Variants in ZSCAN5A observed in about 807,000 individuals in gnomAD.
The protein encoded by ZSCAN5A is zinc finger and SCAN domain-containing protein 5A.
ZSCAN5A carries 12 observed loss-of-function variants against 23.7 expected under a neutral mutation model. That is an observed-to-expected ratio of 0.51 (90% confidence interval 0.32 to 0.82). The LOEUF is 0.82. Ranked by LOEUF, ZSCAN5A falls within the 40% of genes least tolerant of loss-of-function variation. The pLI is 0.03. For synonymous variants in ZSCAN5A, 257 were observed against 239.9 expected (o/e 1.07, Z -0.66); for missense variants, 597 against 617.9 (o/e 0.97, Z 0.36).
At chr19:56,364,816 T>G (rs1363926967) in intron 1 of ZSCAN5A, 1 of 152,190 alleles carries the variant, frequency 6.6e-6, no homozygotes, top group Admixed American at 6.5e-5. Flanking sequence ...AAAGAATACA[T>G]ATTGTATACT....
At chr19:56,230,407 G>C (rs1048923421) in intron 2 of ZSCAN5A, among the ~76,000 whole-genome samples, 2 of 152,178 alleles carry the variant, frequency 1.3e-5, no homozygotes, top group African/African-American at 2.4e-5. Context: ...ATTAACAAAG[G>C]TCACCAGGGT....
chr19:56,365,535 G>A (rs1014238447), intron 1 of ZSCAN5A, among the ~76,000 whole-genome samples: 1 of 152,172 alleles, frequency 6.6e-6, no homozygotes, highest in Non-Finnish European at 1.5e-5. Context: ...ACATTACTGA[G>A]ACTTCCAGTT....
At chr19:56,237,994 T>TGA (rs369289497) in intron 2 of ZSCAN5A, among the ~76,000 whole-genome samples, 2 of 41,346 alleles carry the variant, frequency 4.8e-5, no homozygotes, top group African/African-American at 1.0e-4. Flanking sequence ...CATACACACA[T>TGA]ACGCACACAT....
At chr19:56,251,340 A>C (rs1029464569) in intron 2 of ZSCAN5A, among the ~76,000 whole-genome samples, 1 of 152,102 alleles carries the variant, frequency 6.6e-6, no homozygotes, top group African/African-American at 2.4e-5. Context: ...AAGATACACT[A>C]GTTTTGGACT....
intron 2 of ZSCAN5A, among the ~76,000 whole-genome samples, chr19:56,255,504 G>A (rs1281018383): frequency 2.0e-5 from 3 of 152,072 alleles, no homozygotes; most frequent in Admixed American, 6.6e-5. Context: ...GTAGCCCAGT[G>A]CAACTCTCCA....
chr19:56,309,085 G>C (rs1018982348), intron 2 of ZSCAN5A, among the ~76,000 whole-genome samples: 2 of 152,190 alleles, frequency 1.3e-5, no homozygotes, highest in Admixed American at 6.5e-5. Flanking sequence ...ACAAAACGTA[G>C]TGCATTCATA....
intron 2 of ZSCAN5A, chr19:56,244,507 C>G: frequency 6.9e-7 from 1 of 1,439,988 alleles, no homozygotes; most frequent in South Asian, 1.4e-5. Context: ...CGAGAGGACC[C>G]GAGGGGCTGC....
intron 2 of ZSCAN5A, among the ~76,000 whole-genome samples, chr19:56,285,340 C>G (rs1021633321): frequency 6.6e-6 from 1 of 152,222 alleles, no homozygotes; most frequent in Non-Finnish European, 1.5e-5. Flanking sequence ...CGGCTCTGCT[C>G]TCTAGAAGCA....
At chr19:56,273,697 CAGA>C (rs1331666947) in intron 2 of ZSCAN5A, among the ~76,000 whole-genome samples, 2 of 151,870 alleles carry the variant, frequency 1.3e-5, no homozygotes, top group Non-Finnish European at 1.5e-5. Context: ...ACGTGGTAGG[CAGA>C]AGGAGGGGCA....
At chr19:56,316,918 C>T (rs2041323279), upstream of ZSCAN5A, 1 of 152,244 alleles carries the variant, frequency 6.6e-6, no homozygotes, top group Non-Finnish European at 1.5e-5. Flanking sequence ...CTCACTGTAG[C>T]CTTGACCTCC....
At chr19:56,255,718 G>A (rs1217826595) in intron 2 of ZSCAN5A, among the ~76,000 whole-genome samples, 1 of 151,926 alleles carries the variant, frequency 6.6e-6, no homozygotes, top group East Asian at 1.9e-4. Flanking sequence ...AAAACATGGT[G>A]TCGTCTATTC....
Position 56,221,692 on chromosome 19 carries a change from G to A in ZSCAN5A, c.1374C>T (p.His458=). The change falls in exon 6 of 6, where the codon CAC becomes CAT. Residue 458 remains histidine (H), a synonymous_variant. Transcript: ENST00000683990. ...VFTYRGSLKE[H]QRIHSGEKPY... ...GTTTCTCTCCGGAGTGGATGCGCTGGTGCTCCTTCAGGCTCCCCCTGTAGG... is the reference window on the plus strand; with the variant it reads ...GTTTCTCTCCGGAGTGGATGCGCTGATGCTCCTTCAGGCTCCCCCTGTAGG... 1 of 1,614,184 alleles carries A rather than the reference G, an allele frequency of 6.2e-7. No individual in the cohort carries two copies. Among genetic ancestry groups the A allele is most frequent in the Non-Finnish European group, 8.5e-7 (1 of 1,180,042 alleles).
intron 2 of ZSCAN5A, chr19:56,301,887 A>G: frequency 4.9e-6 from 6 of 1,230,572 alleles, no homozygotes; most frequent in Non-Finnish European, 5.1e-6. Flanking sequence ...GGAGATCAGA[A>G]TGGAGAGACA....
At chr19:56,298,521 C>T (rs374251134) in intron 2 of ZSCAN5A, among the ~76,000 whole-genome samples, 13 of 151,232 alleles carry the variant, frequency 8.6e-5, no homozygotes, top group East Asian at 7.9e-4. Context: ...GGCGTGGTGG[C>T]GGGTGCCTGT....
At chr19:56,285,936 G>T (rs900399181) in intron 2 of ZSCAN5A, among the ~76,000 whole-genome samples, 1 of 152,200 alleles carries the variant, frequency 6.6e-6, no homozygotes, top group African/African-American at 2.4e-5. Context: ...AATCTGGACA[G>T]ATGTTTAACA....
At chr19:56,327,795 G>A (rs1041307225) in intron 2 of ZSCAN5A, among the ~76,000 whole-genome samples, 2 of 151,572 alleles carry the variant, frequency 1.3e-5, no homozygotes, top group South Asian at 2.1e-4. Context: ...ATACACATGC[G>A]ATACATATGC....
chr19:56,248,718 C>T (rs1044007347), intron 2 of ZSCAN5A, among the ~76,000 whole-genome samples: 8 of 152,078 alleles, frequency 5.3e-5, no homozygotes, highest in Admixed American at 3.9e-4. Flanking sequence ...TACGTGTGAG[C>T]CACCACGCCT....
chr19:56,336,717 A>G (rs900716929), intron 2 of ZSCAN5A, among the ~76,000 whole-genome samples: 1 of 152,074 alleles, frequency 6.6e-6, no homozygotes, highest in African/African-American at 2.4e-5. Flanking sequence ...TTGTGGTTTT[A>G]TCTACCTTTG....
intron 2 of ZSCAN5A, 44 bp from the exon 3 acceptor site, chr19:56,225,217 C>A (rs1013158107): frequency 2.1e-6 from 3 of 1,404,420 alleles, no homozygotes; most frequent in African/African-American, 2.9e-5. Flanking sequence ...AGTTACTACT[C>A]CATCCATCCC....
Sources: gnomAD v4.1 joint callset for allele counts (sites outside exome capture counted in the v4.1 genomes callset) on GRCh38, gnomAD v4.1.1 for gene constraint, MANE v1.5 for transcripts, NCBI Gene and HGNC (gene_info 2026-07-23, HGNC 2026-07-21) for gene names.